The following ATG4C variants were observed in gnomAD, a reference collection of about 807,000 sequenced individuals.
ATG4C encodes the protein autophagy related 4C cysteine peptidase.
In ATG4C, 56 loss-of-function variants were observed where a neutral mutation model predicts 57.6. The ratio of observed to expected loss-of-function variants is 0.97; its 90% CI spans 0.78 to 1.21. The LOEUF (loss-of-function observed/expected upper bound fraction) is 1.21. Among genes scored for constraint, ATG4C ranks in the 50% most tolerant of loss-of-function variants. ATG4C has a pLI of 0.00. For synonymous variants in ATG4C, 157 were observed against 174.1 expected, an observed-to-expected ratio of 0.90 and a Z score of 0.78; for missense variants, 595 against 529.8, an observed-to-expected ratio of 1.12 and a Z score of -1.21.
At chr1:62,799,355 G>A (rs76247902) in intron 1 of ATG4C, among the ~76,000 whole-genome samples, 5,871 of 152,132 alleles carry the variant, frequency 0.039, 388 homozygotes, top group African/African-American at 0.13. Flanking sequence ...TTAACCTTAC[G>A]AAAATAATTT....
intron 9 of ATG4C, among the ~76,000 whole-genome samples, 157 bp downstream of exon 9, chr1:62,835,009 A>C (rs1418825479): frequency 6.6e-6 from 1 of 151,950 alleles, no homozygotes; most frequent in Non-Finnish European, 1.5e-5. Context: ...ACAGTGGTCA[A>C]AGGTTAAGTA....
chr1:62,831,722 C>T (rs186497585), intron 7 of ATG4C, among the ~76,000 whole-genome samples: 3 of 152,088 alleles, frequency 2.0e-5, no homozygotes, highest in African/African-American at 7.2e-5. Context: ...TAAAGAAGCT[C>T]TTTTAGGAAC....
At chr1:62,791,232 CA>C (rs1294500069) in intron 1 of ATG4C, among the ~76,000 whole-genome samples, 1 of 152,144 alleles carries the variant, frequency 6.6e-6, no homozygotes, top group African/African-American at 2.4e-5. Flanking sequence ...TACTGGGTTT[CA>C]TGGCTCATTG....
rs141781987 is a variant in ATG4C, at chr1:62,814,958, A to G, written c.161-1617A>G. 2.1e-3 allele frequency among the ~76,000 whole-genome samples: 313 copies of G among 152,244 alleles called. 2 individuals are homozygous for G. The highest frequency in any genetic ancestry group is 7.2e-3 in the African/African-American group (298 of 41,556). Reference sequence around the variant, plus strand: ...TGCATGCGTGCAATCCCAGCTACTCAGGAGGCTGAGGCACAAGAATCGCTT... The same window carrying G: ...TGCATGCGTGCAATCCCAGCTACTCGGGAGGCTGAGGCACAAGAATCGCTT... On this transcript the variant is annotated intron_variant, in intron 3 of 10. Coordinates refer to ENST00000317868, the MANE Select transcript of ATG4C (RefSeq NM_032852.4).
intron 1 of ATG4C, among the ~76,000 whole-genome samples, chr1:62,798,023 T>C (rs1664531274): frequency 6.6e-6 from 1 of 152,164 alleles, no homozygotes; most frequent in African/African-American, 2.4e-5. Flanking sequence ...GGTTTCACCA[T>C]GTTGGCCAGG....
intron 1 of ATG4C, among the ~76,000 whole-genome samples, chr1:62,797,134 CATT>C (rs1040434163): frequency 3.3e-5 from 5 of 151,858 alleles, no homozygotes; most frequent in African/African-American, 9.7e-5. Context: ...AAGAAACTAA[CATT>C]ATGAACTTCT....
At chr1:62,846,873 T>C (rs1408337761) in intron 10 of ATG4C, among the ~76,000 whole-genome samples, 2 of 152,130 alleles carry the variant, frequency 1.3e-5, no homozygotes, top group African/African-American at 4.8e-5. Flanking sequence ...CTGGTAATTC[T>C]TTCAAAACAT....
intron 3 of ATG4C, among the ~76,000 whole-genome samples, chr1:62,807,865 A>G (rs114911788): frequency 1.2e-3 from 187 of 152,328 alleles, no homozygotes; most frequent in African/African-American, 4.3e-3. Context: ...GGACGGAAGT[A>G]TGGGTAATCT....
Position 62,865,513 on chromosome 1 carries a change from A to T in ATG4C, c.*1354A>T, listed in dbSNP as rs913376924. The T allele has an allele frequency of 1.3e-4, 20 of 152,050 alleles. No individual in the cohort carries two copies. The highest frequency in any genetic ancestry group is 4.6e-4 in the African/African-American group (19 of 41,550). The allele number at this position is 152,050 out of a possible 1,614,324, so 9.4% of individuals were successfully genotyped here. A position where few individuals can be genotyped will look rare whatever the true frequency, so the allele number is the denominator to read the frequency against. Reference sequence around the variant, plus strand: ...AGTTGAAATAAATAGTCTGAAATCTAAAAGTTTTCTTTAGTCTAAATACAG... The same window carrying T: ...AGTTGAAATAAATAGTCTGAAATCTTAAAGTTTTCTTTAGTCTAAATACAG... On this transcript the variant is annotated 3_prime_UTR_variant, in exon 11 of 11. Coordinates refer to ENST00000317868, the MANE Select transcript of ATG4C (RefSeq NM_032852.4).
intron 1 of ATG4C, among the ~76,000 whole-genome samples, chr1:62,803,504 T>C (rs566978214): frequency 6.7e-6 from 1 of 149,660 alleles, no homozygotes; most frequent in East Asian, 1.9e-4. Context: ...TTAGTAAAGG[T>C]TTTTTGTAAT....
chr1:62,852,577 G>A (rs1666550238), intron 10 of ATG4C, among the ~76,000 whole-genome samples: 1 of 151,934 alleles, frequency 6.6e-6, no homozygotes, highest in Admixed American at 6.6e-5. Flanking sequence ...TCCCACTACA[G>A]TTATAACATA....
chr1:62,786,222 G>A (rs1400710008), intron 1 of ATG4C, among the ~76,000 whole-genome samples: 2 of 152,162 alleles, frequency 1.3e-5, no homozygotes, highest in East Asian at 3.8e-4. Flanking sequence ...TATATAAAGA[G>A]CGTTAAATCA....
chr1:62,839,124 C>A (rs1397829506), intron 9 of ATG4C, among the ~76,000 whole-genome samples: 1 of 152,158 alleles, frequency 6.6e-6, no homozygotes, highest in Non-Finnish European at 1.5e-5. Context: ...AGTGGCACCA[C>A]CATAGCTCAC....
At chr1:62,817,029 T>C (rs1419022370) in intron 4 of ATG4C, among the ~76,000 whole-genome samples, 1 of 152,168 alleles carries the variant, frequency 6.6e-6, no homozygotes. Context: ...TTTTCAAAAA[T>C]GCAGGTTAAA....
intron 6 of ATG4C, among the ~76,000 whole-genome samples, chr1:62,824,474 C>T (rs1317253184): frequency 6.6e-6 from 1 of 152,072 alleles, no homozygotes; most frequent in Non-Finnish European, 1.5e-5. Context: ...CTGGGAAGAT[C>T]AGAAGAGTTT....
Position 62,803,714 on chromosome 1 carries a change from T to C in ATG4C, c.-68-5T>C. On this transcript the variant is annotated splice_region_variant and splice_polypyrimidine_tract_variant and intron_variant, in intron 1 of 10. Coordinates refer to ENST00000317868, the MANE Select transcript of ATG4C (RefSeq NM_032852.4). Reference sequence around the variant, plus strand: ...ATTACTGATTTTTTTCCTTAATTTTTAAAGTCAGTATAAAAGATTAAACTC... The same window carrying C: ...ATTACTGATTTTTTTCCTTAATTTTCAAAGTCAGTATAAAAGATTAAACTC... 1 of 1,041,050 alleles carries C rather than the reference T, an allele frequency of 9.6e-7. No homozygotes were observed. Among genetic ancestry groups the C allele is most frequent in the Non-Finnish European group, 1.4e-6 (1 of 712,132 alleles). The allele number at this position is 1,041,050 out of a possible 1,614,324, so 64.5% of individuals were successfully genotyped here.
In ATG4C at chr1:62,819,316, G is replaced by A. The variant is rs1464149855; in HGVS notation, c.706G>A (p.Val236Met). Reference sequence around the variant, plus strand: ...AGCAGGAGATTGGTATGGACCAGCTGTGGTTGCTCACATTTTAAGGTAAAA... The same window carrying A: ...AGCAGGAGATTGGTATGGACCAGCTATGGTTGCTCACATTTTAAGGTAAAA... ...KKAGDWYGPA[V>M]VAHILRKAVE... is the part of the protein sequence containing the mutation. Residue 236 changes from valine (V) to methionine (M), a missense_variant, in exon 5 of 11, where the codon GTG becomes ATG. Transcript: ENST00000317868. The A allele has an allele frequency of 6.3e-7, 1 of 1,588,304 alleles. No individual in the cohort carries two copies. The highest frequency in any genetic ancestry group is 8.5e-7 in the Non-Finnish European group (1 of 1,171,562).
intron 10 of ATG4C, among the ~76,000 whole-genome samples, chr1:62,841,922 T>C (rs1666182426): frequency 6.6e-6 from 1 of 152,220 alleles, no homozygotes; most frequent in African/African-American, 2.4e-5. Flanking sequence ...TTGTGCATTA[T>C]TTCTTGTTAG....
chr1:62,864,030 T>A lies in ATG4C; in HGVS notation c.1248T>A (p.Phe416Leu). The change falls in exon 11 of 11, where the codon TTT (phenylalanine) becomes TTA (leucine). Residue 416 changes from phenylalanine (F) to leucine (L), a missense_variant. Coordinates refer to ENST00000317868, the MANE Select transcript of ATG4C (RefSeq NM_032852.4). Reference sequence around the variant, plus strand: ...CTTCTAAGGAGAAATATCCCTTATTTACTTTTGTAAATGGTCATTCCAGAG... The same window carrying A: ...CTTCTAAGGAGAAATATCCCTTATTAACTTTTGTAAATGGTCATTCCAGAG... ...KFSSKEKYPLFTFVNGHSRDY... is the reference protein window; with the variant it reads ...KFSSKEKYPLLTFVNGHSRDY... 6.3e-7 allele frequency: 1 copy of A among 1,586,064 alleles called. No individual in the cohort carries two copies. The highest frequency in any genetic ancestry group is 8.5e-7 in the Non-Finnish European group (1 of 1,170,256).
Sources: gnomAD v4.1 joint callset for allele counts (sites outside exome capture counted in the v4.1 genomes callset) on GRCh38, gnomAD v4.1.1 for gene constraint, MANE v1.5 for transcripts, NCBI Gene and HGNC (gene_info 2026-07-23, HGNC 2026-07-21) for gene names.